ZNF229: variants seen among roughly 807,000 people sequenced by gnomAD.
ZNF229 encodes the protein zinc finger protein 229.
Under a neutral mutation model 11.8 loss-of-function variants are expected in ZNF229, and 10 were observed. That is an observed-to-expected ratio of 0.85 (90% CI 0.52 to 1.44). ZNF229 has a LOEUF of 1.44. Among genes scored for constraint, ZNF229 ranks in the 40% most tolerant of loss-of-function variants. ZNF229 has a pLI of 0.00. For missense variants in ZNF229, 1,045 were observed against 1,015.1 expected (o/e 1.03, Z -0.40); for synonymous variants, 368 against 374.8 (o/e 0.98, Z 0.21).
Position 44,434,262 on chromosome 19 carries a change from G to A in ZNF229, c.94-1896C>T, listed in dbSNP as rs182522751. On this transcript the variant is annotated intron_variant, in intron 4 of 5. Transcript: ENST00000614049. ...AAACATTCTCTCTGCCAGAATGATG[G>A]TTCTTTCCCAATCATTCACTACCCT... Among the ~76,000 whole-genome samples the A allele has an allele frequency of 2.0e-5, 3 of 152,260 alleles. No individual in the cohort carries two copies. In the East Asian group the frequency reaches 5.8e-4, roughly 29 times the overall value.
intron 5 of ZNF229, among the ~76,000 whole-genome samples, chr19:44,431,188 T>C (rs934917590): frequency 2.6e-5 from 4 of 152,114 alleles, no homozygotes; most frequent in African/African-American, 7.2e-5. Flanking sequence ...GCAGATGCAA[T>C]AGGAATCCAG....
rs1971595562 is a variant in ZNF229 at position 44,427,318 on chromosome 19, G to C, written c.*985C>G. 7.1e-6 allele frequency: 1 copy of C among 140,358 alleles called. No homozygotes were observed. Among genetic ancestry groups the C allele is most frequent in the Admixed American group, 7.6e-5 (1 of 13,186 alleles). The allele number at this position is 140,358 out of a possible 1,614,324, so 8.7% of individuals were successfully genotyped here. The stretch of plus-strand genomic sequence containing the variant: ...TAACCTGCAGGGTGAAATAGCATTT[G>C]TGATTTTTAAGATACCTAATATTTG... On this transcript the variant is annotated 3_prime_UTR_variant, in exon 6 of 6. Transcript: ENST00000614049.
chr19:44,430,397 T>TC lies in ZNF229; in HGVS notation c.383dup (p.Asp130ArgfsTer25). 6.2e-7 allele frequency: 1 copy of TC among 1,614,198 alleles called. No homozygotes were observed. The highest frequency in any genetic ancestry group is 2.2e-5 in the East Asian group (1 of 44,890). On this transcript the variant is annotated frameshift_variant, in exon 6 of 6. Coordinates refer to ENST00000614049, the MANE Select transcript of ZNF229 (RefSeq NM_014518.4). LOFTEE classifies it low-confidence loss of function (END_TRUNC). ...CATCTTCTGAGAACTGGAAGTCTTT[T>TC]CCTTGCAGATTTACTCTACAGTCTT...
chr19:44,432,068 A>G, intron 5 of ZNF229, 154 bp downstream of exon 5: 3 of 1,375,072 alleles, frequency 2.2e-6, no homozygotes, highest in Non-Finnish European at 1.9e-6. Context: ...TTCCAGAAAT[A>G]AACTTCTGTT....
intron 4 of ZNF229, among the ~76,000 whole-genome samples, chr19:44,433,857 C>T (rs1273447368): frequency 6.6e-6 from 1 of 152,136 alleles, no homozygotes; most frequent in Non-Finnish European, 1.5e-5. Flanking sequence ...ACCTTTGCTT[C>T]CCGGGTTCAA....
chr19:44,428,748 T>A lies in ZNF229; in HGVS notation c.2033A>T (p.His678Leu). ...TSSLHKHQRV[H>L]TGKKPYTCDQ... ...ACACGTATAGGGCTTTTTTCCCGTG[T>A]GGACTCGCTGATGTTTGTGAAGGCT... Residue 678 changes from histidine to leucine, a missense_variant, in exon 6 of 6, where the codon CAC (histidine) becomes CTC (leucine). His to Leu is a moderately conservative substitution (Grantham distance 99). Coordinates refer to ENST00000614049, the MANE Select transcript of ZNF229 (RefSeq NM_014518.4). The A allele has an allele frequency of 6.2e-7, 1 of 1,613,954 alleles. No homozygotes were observed. Among genetic ancestry groups the A allele is most frequent in the South Asian group, 1.1e-5 (1 of 91,070 alleles).
At chr19:44,439,635 G>A (rs571683834) in intron 4 of ZNF229, among the ~76,000 whole-genome samples, 6 of 152,122 alleles carry the variant, frequency 3.9e-5, no homozygotes, top group Admixed American at 1.3e-4. Flanking sequence ...GTAGAGACAG[G>A]GTTTCACCAT....
Position 44,430,300 on chromosome 19 carries a change from G to T in ZNF229, c.481C>A (p.Gln161Lys). The change falls in exon 6 of 6, where the codon CAA (glutamine) becomes AAA (lysine). Residue 161 changes from glutamine to lysine, a missense_variant. Gln to Lys is a moderately conservative substitution (Grantham distance 53, BLOSUM62 1). Transcript: ENST00000614049. ...FPIENFLDSL[Q>K]GDGLIGLENQ... ...TCTAGACCGATAAGCCCATCCCCTTGTAGACTGTCCAGGAAATTCTCAATT... is the reference window on the plus strand; with the variant it reads ...TCTAGACCGATAAGCCCATCCCCTTTTAGACTGTCCAGGAAATTCTCAATT... 1 of 1,614,088 alleles carries T rather than the reference G, an allele frequency of 6.2e-7. No homozygotes were observed. Among genetic ancestry groups the T allele is most frequent in the Non-Finnish European group, 8.5e-7 (1 of 1,180,032 alleles).
At chr19:44,441,090 A>G (rs2123373588) in intron 4 of ZNF229, among the ~76,000 whole-genome samples, 1 of 152,246 alleles carries the variant, frequency 6.6e-6, no homozygotes, top group East Asian at 1.9e-4. Flanking sequence ...GAACAAAAAG[A>G]CTGCATCCAA....
At position 44,429,590 on chromosome 19, in the gene ZNF229, C is replaced by A. The variant is rs1362224607; in HGVS notation, c.1191G>T (p.Arg397Ser). Residue 397 changes from arginine (R) to serine (S), a missense_variant, in exon 6 of 6, where the codon AGG becomes AGT. By Grantham distance (110) the Arg-to-Ser change is moderately radical. Coordinates refer to ENST00000614049, the MANE Select transcript of ZNF229 (RefSeq NM_014518.4). ...TATATGGTTTCTCTCCAGTGTGGAC[C>A]CTCTGATGGACAAGCAGGTTTGAAC... is the stretch of plus-strand genomic sequence containing the variant. ...GRSSNLLVHQ[R>S]VHTGEKPYKC... 3 of 1,614,024 alleles carry A rather than the reference C, an allele frequency of 1.9e-6. No homozygotes were observed. In the East Asian group the frequency reaches 6.7e-5, roughly 36 times the overall value.
At chr19:44,447,317 A>C (rs1972019360) in intron 2 of ZNF229, among the ~76,000 whole-genome samples, 196 bp downstream of exon 2, 1 of 152,228 alleles carries the variant, frequency 6.6e-6, no homozygotes, top group Non-Finnish European at 1.5e-5. Flanking sequence ...TTACTGACCC[A>C]GTGACACACT....
rs1342081620 is a variant in ZNF229, at chr19:44,430,400, T to C, written c.381A>G (p.Gln127=). 1.2e-6 allele frequency: 2 copies of C among 1,614,200 alleles called. No homozygotes were observed. Among genetic ancestry groups the C allele is most frequent in the Admixed American group, 1.7e-5 (1 of 60,024 alleles). ...PGSQDCRVNL[Q]GKDFQFSEDA... Reference sequence around the variant, plus strand: ...CTTCTGAGAACTGGAAGTCTTTTCCTTGCAGATTTACTCTACAGTCTTGGC... The same window carrying C: ...CTTCTGAGAACTGGAAGTCTTTTCCCTGCAGATTTACTCTACAGTCTTGGC... Residue 127 remains glutamine (Q), a synonymous_variant, in exon 6 of 6, where the codon CAA becomes CAG. Coordinates refer to ENST00000614049, the MANE Select transcript of ZNF229 (RefSeq NM_014518.4).
chr19:44,447,215 T>C (rs778710061), intron 2 of ZNF229, among the ~76,000 whole-genome samples: 6 of 152,218 alleles, frequency 3.9e-5, no homozygotes, highest in Non-Finnish European at 5.9e-5. Context: ...ACCTGGCATA[T>C]AGTAAGCACT....
At chr19:44,446,499 A>AAT (rs1972005370) in intron 2 of ZNF229, among the ~76,000 whole-genome samples, 1 of 152,184 alleles carries the variant, frequency 6.6e-6, no homozygotes, top group African/African-American at 2.4e-5. Flanking sequence ...AACTAAAATA[A>AAT]TTTAAGTTTT....
At chr19:44,444,267 G>A (rs973916234) in intron 2 of ZNF229, among the ~76,000 whole-genome samples, 1 of 152,106 alleles carries the variant, frequency 6.6e-6, no homozygotes, top group South Asian at 2.1e-4. Context: ...CAAGTCTCAA[G>A]GTCAAGTTCA....
intron 4 of ZNF229, 137 bp downstream of exon 4, chr19:44,442,426 T>TAGTGATGTG: frequency 1.2e-6 from 1 of 828,280 alleles, no homozygotes; most frequent in East Asian, 2.6e-5. Context: ...CTCACATCAC[T>TAGTGATGTG]ATTTTGTGGA....
rs1971661485 is a variant in ZNF229 at position 44,429,385 on chromosome 19, A to G, written c.1396T>C (p.Cys466Arg). 2.5e-6 allele frequency: 4 copies of G among 1,613,274 alleles called. No homozygotes were observed. The Admixed American group carries it at 6.7e-5, about 27-fold the overall frequency. Reference protein sequence around the residue: ...PGEKPYSCGECGKGFSCSSHL... With the variant: ...PGEKPYSCGERGKGFSCSSHL... Reference sequence around the variant, plus strand: ...GAGCTGCAGCTGAATCCCTTTCCACACTCGCCACAGCTGTAGGGCTTTTCT... The same window carrying G: ...GAGCTGCAGCTGAATCCCTTTCCACGCTCGCCACAGCTGTAGGGCTTTTCT... Residue 466 changes from cysteine (C) to arginine (R), a missense_variant, in exon 6 of 6, where the codon TGT (cysteine) becomes CGT (arginine). By Grantham distance (180) the Cys-to-Arg change is radical. Coordinates refer to ENST00000614049, the MANE Select transcript of ZNF229 (RefSeq NM_014518.4).
chr19:44,429,832 C>T lies in ZNF229; in HGVS notation c.949G>A (p.Gly317Arg). 6.2e-7 allele frequency: 1 copy of T among 1,614,028 alleles called. No homozygotes were observed. Among genetic ancestry groups the T allele is most frequent in the Non-Finnish European group, 8.5e-7 (1 of 1,179,976 alleles). Residue 317 changes from glycine (G) to arginine (R), a missense_variant, in exon 6 of 6, where the codon GGA becomes AGA. By Grantham distance (125) the Gly-to-Arg change is moderately radical (BLOSUM62 -2). Coordinates refer to ENST00000614049, the MANE Select transcript of ZNF229 (RefSeq NM_014518.4). The part of the protein sequence containing the change: ...HLNRHQRVPT[G>R]EKSVKSLERG... ...TCAAGACTCTTAACAGATTTCTCTC[C>T]TGTGGGAACTCTTTGATGTCTGTTA...
rs770879009 is a variant in ZNF229 at position 44,426,268 on chromosome 19, T to A, written c.*2035A>T. 6.6e-6 allele frequency: 1 copy of A among 152,170 alleles called. No individual in the cohort carries two copies. The highest frequency in any genetic ancestry group is 1.5e-5 in the Non-Finnish European group (1 of 68,040). 9.4% of individuals were successfully genotyped at this position (152,170 alleles called of 1,614,324 possible). ...CAAAAAAGTTATAGAGGTTACAACA[T>A]GAATCTTTAATCATAAGGGATTGTT... On this transcript the variant is annotated 3_prime_UTR_variant, in exon 6 of 6. Coordinates refer to ENST00000614049, the MANE Select transcript of ZNF229 (RefSeq NM_014518.4).
Sources: gnomAD v4.1 joint callset for allele counts (sites outside exome capture counted in the v4.1 genomes callset) on GRCh38, gnomAD v4.1.1 for gene constraint, MANE v1.5 for transcripts, NCBI Gene and HGNC (gene_info 2026-07-23, HGNC 2026-07-21) for gene names.